PRPSAP1: variants seen among roughly 807,000 people sequenced by gnomAD.
The protein encoded by PRPSAP1 is phosphoribosyl pyrophosphate synthetase associated protein 1, also known as phosphoribosyl pyrophosphate synthase-associated protein 1.
In PRPSAP1, 31 loss-of-function variants were observed where a neutral mutation model predicts 39.4. That is an observed-to-expected ratio of 0.79 (90% CI 0.59 to 1.06). PRPSAP1 has a LOEUF of 1.06. Ranked by LOEUF, PRPSAP1 falls within the 50% of genes least tolerant of loss-of-function variation. The pLI is 0.00. For synonymous variants in PRPSAP1, 212 were observed against 192.6 expected (o/e 1.10, Z -0.83); for missense variants, 430 against 511.6 (o/e 0.84, Z 1.54).
intron 3 of PRPSAP1, among the ~76,000 whole-genome samples, chr17:76,341,243 T>G (rs970058136): frequency 4.0e-4 from 59 of 145,696 alleles, no homozygotes; most frequent in African/African-American, 1.4e-3. Flanking sequence ...TGTTTTTTTT[T>G]TTTTTTTTTT....
chr17:76,321,489 C>T (rs1006540612), intron 7 of PRPSAP1, among the ~76,000 whole-genome samples: 2 of 151,624 alleles, frequency 1.3e-5, no homozygotes, highest in Admixed American at 1.3e-4. Context: ...TGCAGTGAGC[C>T]GAGAGCCAGA....
intron 3 of PRPSAP1, among the ~76,000 whole-genome samples, chr17:76,338,546 T>C (rs2071402895): frequency 6.6e-6 from 1 of 151,648 alleles, no homozygotes; most frequent in African/African-American, 2.4e-5. Flanking sequence ...CTACTAAAAA[T>C]ACAAAAATTA....
chr17:76,353,265 G>C, intron 1 of PRPSAP1: 1 of 457,276 alleles, frequency 2.2e-6, no homozygotes, highest in South Asian at 3.2e-5. Context: ...CGGGGTGTGG[G>C]ACTGCGGAGA....
At chr17:76,351,724 C>T (rs1249032305) in intron 1 of PRPSAP1, among the ~76,000 whole-genome samples, 1 of 151,976 alleles carries the variant, frequency 6.6e-6, no homozygotes, top group Non-Finnish European at 1.5e-5. Context: ...TCTTACTGAG[C>T]GACAAGTAAA....
intron 3 of PRPSAP1, among the ~76,000 whole-genome samples, chr17:76,334,750 A>AT (rs1396528090): frequency 6.6e-6 from 1 of 152,040 alleles, no homozygotes; most frequent in African/African-American, 2.4e-5. Flanking sequence ...GTTACCTTTT[A>AT]TTTTTTCTCT....
chr17:76,345,987 G>C (rs2071496667), intron 2 of PRPSAP1: 1 of 475,642 alleles, frequency 2.1e-6, no homozygotes, highest in African/African-American at 2.0e-5. Flanking sequence ...GCAAAGAAGG[G>C]AGAGAAGGTA....
At chr17:76,324,324 C>T (rs867621500) in intron 7 of PRPSAP1, among the ~76,000 whole-genome samples, 3 of 151,906 alleles carry the variant, frequency 2.0e-5, no homozygotes, top group Non-Finnish European at 2.9e-5. Context: ...GTCAGCCGGG[C>T]GCAGTGGCTC....
rs1195151601 is a variant in PRPSAP1 at position 76,353,720 on chromosome 17, C to G, written c.-17G>C. 6.9e-7 allele frequency: 1 copy of G among 1,442,226 alleles called. No homozygotes were observed. Among genetic ancestry groups the G allele is most frequent in the Non-Finnish European group, 9.0e-7 (1 of 1,106,812 alleles). 89.3% of individuals were successfully genotyped at this position (1,442,226 alleles called of 1,614,324 possible). Reference sequence around the variant, plus strand: ...CTTGGGCATCGTCCGGCCCGCGGCGCGGTTACGACCGGCCCCGCGCGGGGC... The same window carrying G: ...CTTGGGCATCGTCCGGCCCGCGGCGGGGTTACGACCGGCCCCGCGCGGGGC... On this transcript the variant is annotated 5_prime_UTR_variant, in exon 1 of 10. Transcript: ENST00000446526.
intron 6 of PRPSAP1, 137 bp from the exon 7 acceptor site, chr17:76,328,999 G>C: frequency 9.7e-7 from 1 of 1,035,014 alleles, no homozygotes; most frequent in East Asian, 2.7e-5. Context: ...AAATGAGAAT[G>C]TGAGGCCCAG....
chr17:76,333,121 G>C (rs1459184689), intron 3 of PRPSAP1, among the ~76,000 whole-genome samples: 1 of 150,824 alleles, frequency 6.6e-6, no homozygotes, highest in Admixed American at 6.6e-5. Flanking sequence ...TTCATCTCCT[G>C]ACCTTTTGAG....
chr17:76,330,130 A>G, intron 5 of PRPSAP1, 32 bp from the exon 6 acceptor site: 1 of 1,581,816 alleles, frequency 6.3e-7, no homozygotes, highest in Non-Finnish European at 8.7e-7. Flanking sequence ...AAAATACTGA[A>G]AAGTTATCAG....
chr17:76,314,078 G>C, intron 7 of PRPSAP1, 187 bp from the exon 8 acceptor site: 2 of 607,694 alleles, frequency 3.3e-6, no homozygotes, highest in Non-Finnish European at 5.9e-6. Context: ...AAAAGAAATA[G>C]AAGGCATGCC....
intron 2 of PRPSAP1, chr17:76,345,752 G>A (rs1239256298): frequency 1.3e-5 from 3 of 223,914 alleles, no homozygotes; most frequent in Non-Finnish European, 1.8e-5. Flanking sequence ...AAGAGGAAGC[G>A]AGAATGACCC....
At chr17:76,320,135 T>C (rs1163936931) in intron 7 of PRPSAP1, among the ~76,000 whole-genome samples, 3 of 151,904 alleles carry the variant, frequency 2.0e-5, no homozygotes, top group Non-Finnish European at 4.4e-5. Context: ...CCGGGTGTGG[T>C]GGTGCATGCC....
At chr17:76,313,612 A>G in intron 8 of PRPSAP1, 1 of 549,476 alleles carries the variant, frequency 1.8e-6, no homozygotes, top group Non-Finnish European at 3.2e-6. Context: ...TCACGGGAGT[A>G]CTGTGCTCAT....
intron 9 of PRPSAP1, 167 bp downstream of exon 9, chr17:76,312,703 G>A (rs1032825631): frequency 7.1e-5 from 56 of 786,906 alleles, no homozygotes; most frequent in Non-Finnish European, 9.9e-5. Flanking sequence ...ATGGTAAGTC[G>A]TGGACTATCT....
In PRPSAP1 at chr17:76,330,101, A is replaced by C; in HGVS notation, c.580-3T>G. The C allele has an allele frequency of 6.2e-7, 1 of 1,611,536 alleles. No homozygotes were observed. The highest frequency in any genetic ancestry group is 8.5e-7 in the Non-Finnish European group (1 of 1,177,660). ...ACTGCATTTCTGTAATTTGGAATCTAGATTTGAAGGAAAAATAGAAAATAC... is the reference window on the plus strand; with the variant it reads ...ACTGCATTTCTGTAATTTGGAATCTCGATTTGAAGGAAAAATAGAAAATAC... On this transcript the variant is annotated splice_region_variant and splice_polypyrimidine_tract_variant and intron_variant, in intron 5 of 9. Coordinates refer to ENST00000446526, the MANE Select transcript of PRPSAP1 (RefSeq NM_002766.3).
At chr17:76,323,304 T>C (rs558005354) in intron 7 of PRPSAP1, among the ~76,000 whole-genome samples, 2 of 148,768 alleles carry the variant, frequency 1.3e-5, no homozygotes, top group East Asian at 3.9e-4. Context: ...ATTGCGCCAC[T>C]GCACTCCAGC....
intron 2 of PRPSAP1, among the ~76,000 whole-genome samples, chr17:76,345,130 G>A (rs1308977849): frequency 6.6e-6 from 1 of 151,372 alleles, no homozygotes; most frequent in African/African-American, 2.4e-5. Context: ...AGCTACTCGG[G>A]AGGCTGAGGC....
Sources: gnomAD v4.1 joint callset for allele counts (sites outside exome capture counted in the v4.1 genomes callset) on GRCh38, gnomAD v4.1.1 for gene constraint, MANE v1.5 for transcripts, NCBI Gene and HGNC (gene_info 2026-07-23, HGNC 2026-07-21) for gene names.